SLC35F1: variants seen among roughly 807,000 people sequenced by gnomAD.
SLC35F1 encodes chromosome 6 open reading frame 169.
SLC35F1 carries 14 observed loss-of-function variants against 48.7 expected under a neutral mutation model. The observed-to-expected ratio is 0.29, with a 90% CI of 0.19 to 0.45. The LOEUF is 0.45. SLC35F1 is among the 20% of genes least tolerant of loss of function. The probability of loss-of-function intolerance (pLI) is 1.00; values close to 1 mark genes in which losing one functional copy is unlikely to be tolerated. For synonymous variants in SLC35F1, 190 were observed against 202.2 expected, an observed-to-expected ratio of 0.94 and a Z score of 0.51; for missense variants, 404 against 500.0, an observed-to-expected ratio of 0.81 and a Z score of 1.83.
chr6:117,982,276 G>A (rs188307143), intron 1 of SLC35F1, among the ~76,000 whole-genome samples: 3 of 152,160 alleles, frequency 2.0e-5, no homozygotes, highest in Admixed American at 2.0e-4. Flanking sequence ...TTTCTTGTTA[G>A]CTTTTCCTTC....
At chr6:118,161,091 G>T (rs975098840) in intron 2 of SLC35F1, among the ~76,000 whole-genome samples, 10 of 151,850 alleles carry the variant, frequency 6.6e-5, no homozygotes, top group Non-Finnish European at 1.0e-4. Context: ...ATAATTAGAA[G>T]AAATAGAGAA....
chr6:118,024,808 C>T (rs953048331), intron 1 of SLC35F1, among the ~76,000 whole-genome samples: 2 of 151,984 alleles, frequency 1.3e-5, no homozygotes, highest in African/African-American at 4.8e-5. Context: ...CAACTCTTAC[C>T]CTGGACAAAA....
chr6:118,247,952 A>T (rs909911883), intron 3 of SLC35F1, among the ~76,000 whole-genome samples: 13 of 152,226 alleles, frequency 8.5e-5, no homozygotes, highest in African/African-American at 3.1e-4. Context: ...ATAATCCAGC[A>T]TTTTGGTTCT....
At chr6:118,131,383 T>C (rs767427902) in intron 1 of SLC35F1, among the ~76,000 whole-genome samples, 2 of 152,212 alleles carry the variant, frequency 1.3e-5, no homozygotes, top group Non-Finnish European at 2.9e-5. Flanking sequence ...TTGGCAACGA[T>C]AGGAAGTTGC....
chr6:118,143,104 C>G (rs1773916396), intron 1 of SLC35F1, among the ~76,000 whole-genome samples: 1 of 152,112 alleles, frequency 6.6e-6, no homozygotes, highest in Admixed American at 6.5e-5. Flanking sequence ...TTTAAATACA[C>G]TACATTTCAA....
chr6:118,137,565 TCTTAA>T (rs1773815192), intron 1 of SLC35F1, among the ~76,000 whole-genome samples: 1 of 151,862 alleles, frequency 6.6e-6, no homozygotes, highest in Non-Finnish European at 1.5e-5. Flanking sequence ...TGACTCAGAG[TCTTAA>T]CTTATCAAAG....
intron 1 of SLC35F1, among the ~76,000 whole-genome samples, chr6:118,044,430 G>T (rs375647060): frequency 2.0e-5 from 3 of 151,982 alleles, no homozygotes; most frequent in East Asian, 3.9e-4. Flanking sequence ...TGTTATATCT[G>T]CATGAAATCA....
At chr6:118,253,729 T>A (rs77116124) in intron 3 of SLC35F1, among the ~76,000 whole-genome samples, 3,155 of 152,144 alleles carry the variant, frequency 0.021, 64 homozygotes, top group Middle Eastern at 0.058. Flanking sequence ...CAATGCCAAC[T>A]ACTGCAGAGA....
At chr6:118,301,929 A>ATGT (rs1776258436) in intron 7 of SLC35F1, among the ~76,000 whole-genome samples, 1 of 152,232 alleles carries the variant, frequency 6.6e-6, no homozygotes, top group South Asian at 2.1e-4. Flanking sequence ...CATTTCCTCA[A>ATGT]CAAAGTGTGT....
At chr6:118,104,772 T>G (rs777122602) in intron 1 of SLC35F1, among the ~76,000 whole-genome samples, 2 of 152,132 alleles carry the variant, frequency 1.3e-5, no homozygotes, top group Admixed American at 6.6e-5. Flanking sequence ...TACTTGCAAG[T>G]TAAAAAGACC....
Position 118,314,366 on chromosome 6 carries a change from G to T in SLC35F1, c.*114G>T. Reference sequence around the variant, plus strand: ...TAGGTGCAGTTTACACAGGTGGACTGCAAGGTAGCAAATCCTCCAAAAGCT... The same window carrying T: ...TAGGTGCAGTTTACACAGGTGGACTTCAAGGTAGCAAATCCTCCAAAAGCT... On this transcript the variant is annotated 3_prime_UTR_variant, in exon 8 of 8. Transcript: ENST00000360388. 2.3e-6 allele frequency: 2 copies of T among 868,308 alleles called. No homozygotes were observed. Among genetic ancestry groups the T allele is most frequent in the East Asian group, 2.7e-5 (1 of 37,560 alleles). The allele number at this position is 868,308 out of a possible 1,614,324, so 53.8% of individuals were successfully genotyped here.
At chr6:118,208,168 G>C (rs1774961587) in intron 2 of SLC35F1, among the ~76,000 whole-genome samples, 1 of 151,596 alleles carries the variant, frequency 6.6e-6, no homozygotes, top group Non-Finnish European at 1.5e-5. Flanking sequence ...TGGTACCCCC[G>C]CTGCCTGCAT....
chr6:118,014,108 T>G (rs984079512), intron 1 of SLC35F1, among the ~76,000 whole-genome samples: 4 of 152,228 alleles, frequency 2.6e-5, no homozygotes, highest in Admixed American at 1.3e-4. Flanking sequence ...GCAAGTTAGT[T>G]GACCTCTGAG....
At chr6:117,997,842 A>G (rs1321387284) in intron 1 of SLC35F1, among the ~76,000 whole-genome samples, 6 of 152,170 alleles carry the variant, frequency 3.9e-5, no homozygotes, top group African/African-American at 9.7e-5. Flanking sequence ...AAAGACCATC[A>G]AGGCTAGGAA....
chr6:118,073,219 A>T (rs562166546), intron 1 of SLC35F1, among the ~76,000 whole-genome samples: 34 of 152,308 alleles, frequency 2.2e-4, no homozygotes, highest in African/African-American at 7.0e-4. Context: ...TTTATCCTCT[A>T]TAGAAAAAAA....
At chr6:118,040,125 C>T (rs966525939) in intron 1 of SLC35F1, among the ~76,000 whole-genome samples, 2 of 152,070 alleles carry the variant, frequency 1.3e-5, no homozygotes, top group African/African-American at 4.8e-5. Flanking sequence ...TTAAATGTTT[C>T]CTTCTCTGTC....
chr6:118,273,510 C>G (rs1775884003), intron 4 of SLC35F1, among the ~76,000 whole-genome samples: 1 of 152,102 alleles, frequency 6.6e-6, no homozygotes, highest in South Asian at 2.1e-4. Flanking sequence ...AGTGAAGAGA[C>G]TGGATCATGT....
intron 1 of SLC35F1, among the ~76,000 whole-genome samples, chr6:118,045,103 C>G (rs935580420): frequency 6.6e-6 from 1 of 152,048 alleles, no homozygotes; most frequent in Non-Finnish European, 1.5e-5. Flanking sequence ...CTTTCAAAGA[C>G]AAAATACTAG....
chr6:117,951,560 A>G (rs1397596095), intron 1 of SLC35F1, among the ~76,000 whole-genome samples: 1 of 152,248 alleles, frequency 6.6e-6, no homozygotes, highest in Non-Finnish European at 1.5e-5. Context: ...AAAACACAAT[A>G]ATAACAGAAG....
Sources: allele counts gnomAD v4.1 joint callset (sites outside exome capture counted in the v4.1 genomes callset), GRCh38; gene constraint gnomAD v4.1.1; transcripts MANE v1.5; gene names NCBI Gene and HGNC (gene_info 2026-07-23, HGNC 2026-07-21).